The following COL11A1 variants were observed in gnomAD, a reference collection of about 807,000 sequenced individuals.
COL11A1 encodes the protein collagen type XI alpha 1 chain.
In COL11A1, 74 loss-of-function variants were observed where a neutral mutation model predicts 265.2. The ratio of observed to expected loss-of-function variants is 0.28; its 90% CI spans 0.23 to 0.34. The LOEUF is 0.34. Among genes scored for constraint, COL11A1 ranks in the 10% least tolerant of loss-of-function variants. The pLI is 1.00. For synonymous variants in COL11A1, 816 were observed against 727.6 expected, an observed-to-expected ratio of 1.12 and a Z score of -1.96; for missense variants, 2,165 against 2,263.6, an observed-to-expected ratio of 0.96 and a Z score of 0.88.
chr1:102,889,515 C>A lies in COL11A1; in HGVS notation c.4404G>T (p.Gly1468=). 6.2e-7 allele frequency: 1 copy of A among 1,613,534 alleles called. No individual in the cohort carries two copies. Among genetic ancestry groups the A allele is most frequent in the Non-Finnish European group, 8.5e-7 (1 of 1,179,776 alleles). The change falls in exon 59 of 67, where the codon GGG becomes GGT. Residue 1468 remains glycine, a synonymous_variant. Transcript: ENST00000370096. ...CAGGGAGCCCTCGGTCACCTTTTTC[C>A]CCTTGTTCTCCTGGAGGACCAATCA... ...IGLIGPPGEQ[G]EKGDRGLPGT...
Position 103,073,973 on chromosome 1 carries a change from C to T in COL11A1, c.651+645G>A, listed in dbSNP as rs572878117. Among the ~76,000 whole-genome samples the T allele has an allele frequency of 1.3e-4, 19 of 151,986 alleles. No homozygotes were observed. In the South Asian group the frequency reaches 2.3e-3, roughly 18 times the overall value. ...ATCACAGAAATAATAAATAATGTCT[C>T]GAGAGTGCATCCTTTAATGGTGTCA... On this transcript the variant is annotated intron_variant, in intron 4 of 66. Coordinates refer to ENST00000370096, the MANE Select transcript of COL11A1 (RefSeq NM_001854.4).
At chr1:102,981,398 G>GT (rs920603427) in intron 31 of COL11A1, among the ~76,000 whole-genome samples, 61 of 150,646 alleles carry the variant, frequency 4.0e-4, no homozygotes, top group African/African-American at 1.5e-3. Context: ...AAATTTTGAG[G>GT]GGGGGGACAA....
intron 43 of COL11A1, among the ~76,000 whole-genome samples, chr1:102,939,883 G>A (rs1430018199): frequency 6.6e-6 from 1 of 151,990 alleles, no homozygotes; most frequent in Non-Finnish European, 1.5e-5. Context: ...CATACATTTG[G>A]AATTAGGAGC....
At chr1:102,933,412 G>T (rs1395649274) in intron 46 of COL11A1, among the ~76,000 whole-genome samples, 1 of 150,018 alleles carries the variant, frequency 6.7e-6, no homozygotes, top group East Asian at 2.0e-4. Flanking sequence ...TCGGGGGTCA[G>T]GGGTCAGGGA....
intron 63 of COL11A1, among the ~76,000 whole-genome samples, chr1:102,886,480 T>C (rs1022707015): frequency 3.9e-5 from 6 of 152,194 alleles, no homozygotes; most frequent in Non-Finnish European, 8.8e-5. Context: ...ATGAAGTTAG[T>C]AATCATATTA....
At chr1:102,931,256 T>C (rs1040697327) in intron 46 of COL11A1, among the ~76,000 whole-genome samples, 9 of 151,592 alleles carry the variant, frequency 5.9e-5, no homozygotes, top group African/African-American at 2.2e-4. Context: ...CTCTACCCAC[T>C]GCTTTGAATG....
chr1:103,096,979 C>T (rs1482417438), intron 1 of COL11A1, among the ~76,000 whole-genome samples: 2 of 151,996 alleles, frequency 1.3e-5, no homozygotes, highest in Non-Finnish European at 1.5e-5. Context: ...TGCAAGACTA[C>T]ATGACCATAG....
At chr1:103,066,500 C>A (rs1225091566) in intron 4 of COL11A1, among the ~76,000 whole-genome samples, 2 of 146,986 alleles carry the variant, frequency 1.4e-5, no homozygotes, top group Non-Finnish European at 3.0e-5. Flanking sequence ...TAGCAAAAAT[C>A]CAATAAGTAA....
chr1:103,068,937 G>T lies in COL11A1; in HGVS notation c.651+5681C>A, dbSNP rs1364238708. On this transcript the variant is annotated intron_variant, in intron 4 of 66. Coordinates refer to ENST00000370096, the MANE Select transcript of COL11A1 (RefSeq NM_001854.4). Reference sequence around the variant, plus strand: ...AAATTAAACAAGACCAAAATAAATGGAGTTATATTATGTACAGGAAATAGA... The same window carrying T: ...AAATTAAACAAGACCAAAATAAATGTAGTTATATTATGTACAGGAAATAGA... 2.0e-5 allele frequency among the ~76,000 whole-genome samples: 3 copies of T among 151,418 alleles called. No individual in the cohort carries two copies. In the East Asian group the frequency reaches 5.8e-4, roughly 29 times the overall value.
At position 102,970,379 on chromosome 1, in the gene COL11A1, T is replaced by C. The variant is rs2253854; in HGVS notation, c.2809-107A>G. ...CTTTTCTTTTTATATTTCCATTAGC[T>C]ATTTTACTTTGCTCTTCTGTTGATT... On this transcript the variant is annotated intron_variant, in intron 36 of 66. Coordinates refer to ENST00000370096, the MANE Select transcript of COL11A1 (RefSeq NM_001854.4). 25,927 of 783,084 alleles carry C rather than the reference T, an allele frequency of 0.033. 1,051 individuals carry two copies. Among genetic ancestry groups the C allele is most frequent in the African/African-American group, 0.16 (9,230 of 57,258 alleles). The allele number at this position is 783,084 out of a possible 1,614,324, so 48.5% of individuals were successfully genotyped here.
intron 29 of COL11A1, among the ~76,000 whole-genome samples, chr1:102,988,107 C>A (rs1012700510): frequency 3.3e-5 from 5 of 152,128 alleles, no homozygotes; most frequent in South Asian, 2.1e-4. Flanking sequence ...CTGTAAATAA[C>A]ATCACTACGT....
At chr1:103,039,658 A>T (rs1253457646) in intron 4 of COL11A1, among the ~76,000 whole-genome samples, 1 of 152,166 alleles carries the variant, frequency 6.6e-6, no homozygotes, top group Admixed American at 6.6e-5. Flanking sequence ...CTTTGAAAAA[A>T]TAAGTTTCTG....
In COL11A1 at chr1:102,921,598, C is replaced by CA. The variant is rs534572962; in HGVS notation, c.3655-28dup. ...TGTAAGAGAGAAATATTGAGGTTTA[C>CA]AAAGACCAAATTCAAATGTGTTTCC... On this transcript the variant is annotated intron_variant, in intron 47 of 66. Transcript: ENST00000370096. 5.1e-4 allele frequency: 801 copies of CA among 1,577,608 alleles called. 3 individuals are homozygous for CA. In the African/African-American group the frequency reaches 9.7e-3, roughly 19 times the overall value.
At chr1:103,015,796 T>C in intron 11 of COL11A1, 54 bp from the exon 12 acceptor site, 1 of 1,238,014 alleles carries the variant, frequency 8.1e-7, no homozygotes, top group Admixed American at 2.0e-5. Context: ...TAATATTTAC[T>C]AGAACTAGAA....
chr1:102,935,811 T>C (rs1234201053), intron 44 of COL11A1, among the ~76,000 whole-genome samples: 1 of 152,190 alleles, frequency 6.6e-6, no homozygotes, highest in Non-Finnish European at 1.5e-5. Context: ...GGGGAACTGT[T>C]AAAGCAAGAT....
At chr1:103,043,350 T>G (rs545103006) in intron 4 of COL11A1, among the ~76,000 whole-genome samples, 1 of 151,528 alleles carries the variant, frequency 6.6e-6, no homozygotes, top group Non-Finnish European at 1.5e-5. Flanking sequence ...AGGTATAGCA[T>G]CTCTACAAGA....
intron 52 of COL11A1, 113 bp from the exon 53 acceptor site, chr1:102,913,803 C>T (rs1654985997): frequency 1.1e-6 from 1 of 930,454 alleles, no homozygotes; most frequent in East Asian, 2.4e-5. Context: ...ATCAGATGGA[C>T]AAGTAAAATC....
intron 57 of COL11A1, among the ~76,000 whole-genome samples, chr1:102,892,944 A>G (rs1651950934): frequency 6.6e-6 from 1 of 152,210 alleles, no homozygotes; most frequent in Non-Finnish European, 1.5e-5. Flanking sequence ...ATTTAGTTAC[A>G]TTCTCTTTTG....
chr1:103,093,325 C>T (rs574243226), intron 1 of COL11A1, among the ~76,000 whole-genome samples: 4 of 152,096 alleles, frequency 2.6e-5, no homozygotes, highest in East Asian at 3.9e-4. Flanking sequence ...AAGCACCTTT[C>T]GTTGATGAAC....
Sources: gnomAD v4.1 joint callset for allele counts (sites outside exome capture counted in the v4.1 genomes callset) on GRCh38, gnomAD v4.1.1 for gene constraint, MANE v1.5 for transcripts, NCBI Gene and HGNC (gene_info 2026-07-23, HGNC 2026-07-21) for gene names.